Variants in GFRA2 observed in about 807,000 individuals in gnomAD.
GFRA2 encodes GDNF family receptor alpha 2.
In GFRA2, 17 loss-of-function variants were observed where a neutral mutation model predicts 48.3. The ratio of observed to expected loss-of-function variants is 0.35; its 90% CI spans 0.24 to 0.53. GFRA2 has a LOEUF of 0.53. Ranked by LOEUF, GFRA2 falls within the 20% of genes least tolerant of loss-of-function variation. GFRA2 has a pLI of 0.93. For missense variants in GFRA2, 660 were observed against 637.3 expected, an observed-to-expected ratio of 1.04 and a Z score of -0.38; for synonymous variants, 305 against 257.2, an observed-to-expected ratio of 1.19 and a Z score of -1.78.
chr8:21,704,087 C>T (rs1318869928), intron 6 of GFRA2, among the ~76,000 whole-genome samples: 1 of 152,246 alleles, frequency 6.6e-6, no homozygotes, highest in East Asian at 1.9e-4. Context: ...CCACTCTGGT[C>T]ATCTTCAGTG....
At chr8:21,728,865 G>T (rs1046316701) in intron 4 of GFRA2, among the ~76,000 whole-genome samples, 3 of 152,208 alleles carry the variant, frequency 2.0e-5, no homozygotes, top group African/African-American at 7.2e-5. Context: ...GTGACACCGT[G>T]GCTAACACAC....
intron 2 of GFRA2, among the ~76,000 whole-genome samples, chr8:21,802,556 T>G (rs2117115437): frequency 6.6e-6 from 1 of 152,228 alleles, no homozygotes; most frequent in African/African-American, 2.4e-5. Context: ...GGTCTCTCTG[T>G]GTTGCCCAGG....
intron 3 of GFRA2, among the ~76,000 whole-genome samples, chr8:21,758,928 C>T (rs140022936): frequency 2.2e-3 from 336 of 152,282 alleles, no homozygotes; most frequent in African/African-American, 7.8e-3. Flanking sequence ...CCATACCCAC[C>T]TCTCCAGGAG....
At chr8:21,758,447 T>C (rs972869032) in intron 3 of GFRA2, among the ~76,000 whole-genome samples, 1 of 152,036 alleles carries the variant, frequency 6.6e-6, no homozygotes, top group Non-Finnish European at 1.5e-5. Context: ...GACCCAGGTG[T>C]TTTAACCACC....
At chr8:21,714,956 T>C (rs977146440) in intron 4 of GFRA2, among the ~76,000 whole-genome samples, 1 of 152,230 alleles carries the variant, frequency 6.6e-6, no homozygotes, top group African/African-American at 2.4e-5. Flanking sequence ...ATGGCCTTAA[T>C]AGCCCCAAGT....
intron 4 of GFRA2, among the ~76,000 whole-genome samples, chr8:21,719,324 G>T (rs926126150): frequency 6.6e-6 from 1 of 152,058 alleles, no homozygotes; most frequent in Admixed American, 6.5e-5. Context: ...TTCTCCTTGA[G>T]ACCGCCATTG....
At chr8:21,802,644 C>G (rs1169681688) in intron 2 of GFRA2, among the ~76,000 whole-genome samples, 1 of 152,136 alleles carries the variant, frequency 6.6e-6, no homozygotes, top group Non-Finnish European at 1.5e-5. Context: ...TGTGAGCCCC[C>G]ACGCCTGGCC....
In GFRA2 at chr8:21,693,005, G is replaced by A. The variant is rs929919115; in HGVS notation, c.*273C>T. 3.6e-6 allele frequency: 1 copy of A among 276,046 alleles called. No individual in the cohort carries two copies. Among genetic ancestry groups the A allele is most frequent in the African/African-American group, 2.2e-5 (1 of 44,914 alleles). 17.1% of individuals were successfully genotyped at this position (276,046 alleles called of 1,614,324 possible). A position where few individuals can be genotyped will look rare whatever the true frequency, so the allele number is the denominator to read the frequency against. ...AGAAAAACACCAGGAGAAAGTGAAG[G>A]GCATTTCTAGAGCCTCGTGCCCTCC... On this transcript the variant is annotated 3_prime_UTR_variant, in exon 9 of 9. Coordinates refer to ENST00000524240, the MANE Select transcript of GFRA2 (RefSeq NM_001495.5).
At chr8:21,730,338 G>A (rs1230224466) in intron 4 of GFRA2, among the ~76,000 whole-genome samples, 3 of 152,096 alleles carry the variant, frequency 2.0e-5, no homozygotes, top group African/African-American at 7.2e-5. Flanking sequence ...GGGAGGTGGA[G>A]GATGCAGCGA....
At chr8:21,720,843 C>A (rs1419970347) in intron 4 of GFRA2, among the ~76,000 whole-genome samples, 1 of 152,206 alleles carries the variant, frequency 6.6e-6, no homozygotes, top group African/African-American at 2.4e-5. Flanking sequence ...TCATAACTTA[C>A]ATTTTTCATA....
At chr8:21,790,283 C>T (rs1284040179), upstream of GFRA2, among the ~76,000 whole-genome samples, 1 of 152,228 alleles carries the variant, frequency 6.6e-6, no homozygotes, top group Non-Finnish European at 1.5e-5. Context: ...GCTCGGCGCG[C>T]ACACACGGTG....
intron 3 of GFRA2, among the ~76,000 whole-genome samples, chr8:21,769,582 G>A (rs955898013): frequency 5.9e-5 from 9 of 152,244 alleles, no homozygotes. Flanking sequence ...GATTCAAAAC[G>A]AGGACTAGCC....
chr8:21,805,950 G>A (rs1028263078), intron 1 of GFRA2, among the ~76,000 whole-genome samples: 3 of 152,230 alleles, frequency 2.0e-5, no homozygotes, highest in Non-Finnish European at 4.4e-5. Context: ...GCCCCAGAGG[G>A]TGGCAGTTCC....
intron 3 of GFRA2, among the ~76,000 whole-genome samples, chr8:21,766,964 C>A (rs549906215): frequency 2.1e-5 from 3 of 146,090 alleles, no homozygotes; most frequent in African/African-American, 7.7e-5. Flanking sequence ...GACACACATA[C>A]ATTACCTCAT....
intron 3 of GFRA2, among the ~76,000 whole-genome samples, chr8:21,758,332 C>T (rs1041953983): frequency 6.6e-6 from 1 of 152,172 alleles, no homozygotes; most frequent in Non-Finnish European, 1.5e-5. Flanking sequence ...CCCCCTCTGC[C>T]ACCTCCCAAC....
chr8:21,733,447 A>G (rs761235361), intron 4 of GFRA2, among the ~76,000 whole-genome samples: 34 of 152,094 alleles, frequency 2.2e-4, no homozygotes, highest in Admixed American at 1.5e-3. Flanking sequence ...AAAGGTAGAA[A>G]CCCATAGTCC....
Position 21,702,114 on chromosome 8 carries a change from A to T in GFRA2, c.1218+691T>A, listed in dbSNP as rs184770808. On this transcript the variant is annotated intron_variant, in intron 7 of 8. Transcript: ENST00000524240. The stretch of plus-strand genomic sequence containing the variant: ...ATTGAGCAGTTGTCTGCAGAGCAGG[A>T]CCCCAAGCCCCCTGCTTGCAGCCAC... 2.0e-5 allele frequency among the ~76,000 whole-genome samples: 3 copies of T among 152,192 alleles called. No homozygotes were observed. In the East Asian group the frequency reaches 5.8e-4, roughly 29 times the overall value.
upstream of GFRA2, among the ~76,000 whole-genome samples, chr8:21,791,159 G>A (rs908778654): frequency 2.0e-5 from 3 of 152,256 alleles, no homozygotes; most frequent in East Asian, 1.9e-4. Flanking sequence ...AGCATAATGA[G>A]AGAAATTCTC....
chr8:21,795,445 T>C (rs1807654118), intron 2 of GFRA2, among the ~76,000 whole-genome samples: 1 of 151,844 alleles, frequency 6.6e-6, no homozygotes, highest in South Asian at 2.1e-4. Flanking sequence ...TAGGCCGGAG[T>C]GCTGTGGCAC....
Sources: allele counts gnomAD v4.1 joint callset (sites outside exome capture counted in the v4.1 genomes callset), GRCh38; gene constraint gnomAD v4.1.1; transcripts MANE v1.5; gene names NCBI Gene and HGNC (gene_info 2026-07-23, HGNC 2026-07-21).